TMEM255B: variants seen among roughly 807,000 people sequenced by gnomAD.
The protein encoded by TMEM255B is transmembrane protein 255B.
TMEM255B carries 35 observed loss-of-function variants against 34.5 expected under a neutral mutation model. The ratio of observed to expected loss-of-function variants is 1.01; its 90% confidence interval spans 0.77 to 1.34. The LOEUF is 1.34. Among genes scored for constraint, TMEM255B ranks in the 40% most tolerant of loss-of-function variants. The pLI is 0.00. For synonymous variants in TMEM255B, 206 were observed against 201.2 expected, an observed-to-expected ratio of 1.02 and a Z score of -0.20; for missense variants, 432 against 433.2, an observed-to-expected ratio of 1.00 and a Z score of 0.02.
intron 5 of TMEM255B, chr13:113,799,872 C>A: frequency 2.0e-6 from 2 of 1,001,392 alleles, no homozygotes; most frequent in Non-Finnish European, 2.8e-6. Context: ...TTCGCCAGGA[C>A]CGTCGGAGGG....
intron 3 of TMEM255B, among the ~76,000 whole-genome samples, chr13:113,772,319 G>A (rs1182476607): frequency 6.6e-6 from 1 of 152,134 alleles, no homozygotes; most frequent in Non-Finnish European, 1.5e-5. Flanking sequence ...GGTGTCCTTT[G>A]AGGCACAAAA....
At position 113,812,853 on chromosome 13, in the gene TMEM255B, G is replaced by GCCCCGGGTGGGT. The variant is rs2051340803; in HGVS notation, c.*951_*952insCCCGGGTGGGTC. The GCCCCGGGTGGGT allele has an allele frequency of 8.6e-6, 1 of 116,838 alleles. No homozygotes were observed. The highest frequency in any genetic ancestry group is 4.0e-5 in the African/African-American group (1 of 24,806). 7.2% of individuals were successfully genotyped at this position (116,838 alleles called of 1,614,324 possible). A position where few individuals can be genotyped will look rare whatever the true frequency, so the allele number is the denominator to read the frequency against. ...GTCACAGGTCCCGGGTGGGTCACAG[G>GCCCCGGGTGGGT]CATCCCGGGTGGGTCACAGGTCCCG... On this transcript the variant is annotated 3_prime_UTR_variant, in exon 9 of 9. Coordinates refer to ENST00000375353, the MANE Select transcript of TMEM255B (RefSeq NM_182614.4).
At chr13:113,765,465 T>TC (rs2050373703) in intron 1 of TMEM255B, among the ~76,000 whole-genome samples, 1 of 152,230 alleles carries the variant, frequency 6.6e-6, no homozygotes, top group Admixed American at 6.5e-5. Context: ...CGGTCTGCTT[T>TC]CCCTGCACAC....
At chr13:113,795,125 C>A (rs2050897667) in intron 3 of TMEM255B, 23 bp from the exon 4 acceptor site, 2 of 1,612,410 alleles carry the variant, frequency 1.2e-6, no homozygotes, top group Admixed American at 1.7e-5. Context: ...AGCTGGGCAC[C>A]CACACCTCTC....
intron 8 of TMEM255B, among the ~76,000 whole-genome samples, chr13:113,807,241 C>A (rs978894316): frequency 1.3e-5 from 2 of 151,476 alleles, no homozygotes; most frequent in South Asian, 2.1e-4. Context: ...GTGAGCCCCA[C>A]GGAGGTGTAA....
chr13:113,784,866 G>A (rs2050717899), intron 3 of TMEM255B, among the ~76,000 whole-genome samples: 1 of 152,220 alleles, frequency 6.6e-6, no homozygotes, highest in South Asian at 2.1e-4. Context: ...CCCAACACCT[G>A]TCCTAGGTTT....
At chr13:113,799,991 G>T in intron 5 of TMEM255B, 2 of 1,255,732 alleles carry the variant, frequency 1.6e-6, no homozygotes, top group Non-Finnish European at 2.1e-6. Context: ...AGAGGAGGAG[G>T]AGCTGGAGGC....
At chr13:113,802,875 T>C (rs888382795) in intron 7 of TMEM255B, among the ~76,000 whole-genome samples, 3 of 147,464 alleles carry the variant, frequency 2.0e-5, no homozygotes, top group African/African-American at 7.4e-5. Flanking sequence ...CTCCCAGGGG[T>C]CCTTGCTCTG....
intron 3 of TMEM255B, among the ~76,000 whole-genome samples, chr13:113,784,699 T>C (rs1008016757): frequency 1.3e-5 from 2 of 152,206 alleles, no homozygotes; most frequent in African/African-American, 4.8e-5. Flanking sequence ...AGCCTCACAG[T>C]TCCCTTCGGG....
At chr13:113,762,105 G>GAAAAAAA (rs11290901) in intron 1 of TMEM255B, among the ~76,000 whole-genome samples, 1,850 of 147,642 alleles carry the variant, frequency 0.013, 38 homozygotes, top group African/African-American at 0.043. Context: ...TCCGGGACAG[G>GAAAAAAA]AAAAAAAAAA....
At chr13:113,760,124 G>T (rs544912787) in intron 1 of TMEM255B, among the ~76,000 whole-genome samples, 59 of 152,284 alleles carry the variant, frequency 3.9e-4, no homozygotes, top group African/African-American at 1.3e-3. Context: ...TGGTGTCTAG[G>T]GGGCTCTGCC....
At chr13:113,779,666 T>C (rs1173817413) in intron 3 of TMEM255B, among the ~76,000 whole-genome samples, 1 of 152,224 alleles carries the variant, frequency 6.6e-6, no homozygotes, top group East Asian at 1.9e-4. Flanking sequence ...ACATCTCGTC[T>C]TCAGCTTATG....
intron 3 of TMEM255B, among the ~76,000 whole-genome samples, chr13:113,794,212 G>A (rs542098527): frequency 1.9e-4 from 29 of 152,310 alleles, no homozygotes; most frequent in African/African-American, 4.3e-4. Context: ...TCTGCCGGGC[G>A]TCTTTGCAAG....
rs1047887362 is a variant in TMEM255B, at chr13:113,769,192, G to A, written c.252+32G>A. On this transcript the variant is annotated intron_variant, in intron 3 of 8. Coordinates refer to ENST00000375353, the MANE Select transcript of TMEM255B (RefSeq NM_182614.4). The surrounding 1 kb of genome is among the most constrained non-coding windows in gnomAD (Gnocchi z 4.2). ...AAGTACATGGGGTGGTGGGGAGCAT[G>A]AGTCCCTCATCAGGGGATGGTACAG... The A allele has an allele frequency of 6.2e-7, 1 of 1,611,724 alleles. No homozygotes were observed. Among genetic ancestry groups the A allele is most frequent in the Admixed American group, 1.7e-5 (1 of 60,016 alleles).
chr13:113,803,638 C>T (rs1005976647), intron 7 of TMEM255B, among the ~76,000 whole-genome samples: 3 of 118,522 alleles, frequency 2.5e-5, no homozygotes, highest in Non-Finnish European at 6.1e-5. Flanking sequence ...AACTGCAAAT[C>T]TCCTGCCCCT....
intron 3 of TMEM255B, among the ~76,000 whole-genome samples, chr13:113,773,240 A>C (rs1276617602): frequency 1.3e-5 from 2 of 152,204 alleles, no homozygotes; most frequent in Non-Finnish European, 2.9e-5. Flanking sequence ...TGGGTTGTCC[A>C]TTGCAAGTGT....
intron 4 of TMEM255B, among the ~76,000 whole-genome samples, chr13:113,798,287 TGATG>T (rs957993337): frequency 5.0e-4 from 75 of 149,124 alleles, no homozygotes; most frequent in African/African-American, 1.9e-3. Context: ...GGATAACGGA[TGATG>T]GATGGATGGT....
At chr13:113,801,572 C>T (rs1203237222) in intron 6 of TMEM255B, 81 bp from the exon 7 acceptor site, 1 of 1,471,734 alleles carries the variant, frequency 6.8e-7, no homozygotes, top group Non-Finnish European at 9.1e-7. Context: ...CCCTGCAGGG[C>T]TCAGGTCCAG....
intron 5 of TMEM255B, among the ~76,000 whole-genome samples, chr13:113,800,301 C>CTGTGTGTGTGTG (rs1220505809): frequency 0.013 from 1,243 of 97,038 alleles, 23 homozygotes; most frequent in East Asian, 0.04. Flanking sequence ...GAGGCGTCCT[C>CTGTGTGTGTGTG]TGTGTGTGTG....
Sources: allele counts gnomAD v4.1 joint callset (sites outside exome capture counted in the v4.1 genomes callset), GRCh38; gene constraint gnomAD v4.1.1; non-coding constraint Gnocchi (gnomAD v3.1); transcripts MANE v1.5; gene names NCBI Gene and HGNC (gene_info 2026-07-23, HGNC 2026-07-21).